SCAP: variants seen among roughly 807,000 people sequenced by gnomAD.
The protein encoded by SCAP is SREBF chaperone.
In SCAP, 65 loss-of-function variants were observed where a neutral mutation model predicts 123.6. The ratio of observed to expected loss-of-function variants is 0.53; its 90% CI spans 0.43 to 0.65. The LOEUF (loss-of-function observed/expected upper bound fraction) is 0.65. Among genes scored for constraint, SCAP ranks in the 30% least tolerant of loss-of-function variants. The probability of loss-of-function intolerance (pLI) is 0.00; values close to 1 mark genes in which losing one functional copy is unlikely to be tolerated. For synonymous variants in SCAP, 740 were observed against 726.3 expected (o/e 1.02, Z -0.30); for missense variants, 1,398 against 1,712.5 (o/e 0.82, Z 3.24).
At chr3:47,431,604 T>C (rs1215414628) in intron 3 of SCAP, among the ~76,000 whole-genome samples, 2 of 152,240 alleles carry the variant, frequency 1.3e-5, no homozygotes, top group East Asian at 3.9e-4. Flanking sequence ...TTGTAGGGTG[T>C]TCCTCAACTA....
Position 47,417,503 on chromosome 3 carries a change from CCCT to C in SCAP, c.2768_2770del (p.Glu923del), listed in dbSNP as rs1559538008. On this transcript the variant is annotated inframe_deletion, in exon 17 of 23. Transcript: ENST00000265565. ...GGCTGGTGTGCAGACGGCCGCCAGC[CCCT>C]CCTCCTGGTACACCCGCTGCACCAG... 2.6e-6 allele frequency: 4 copies of C among 1,554,422 alleles called. No individual in the cohort carries two copies. Among genetic ancestry groups the C allele is most frequent in the Admixed American group, 2.0e-5 (1 of 51,210 alleles).
intron 1 of SCAP, among the ~76,000 whole-genome samples, chr3:47,444,635 T>C (rs564282970): frequency 2.6e-5 from 4 of 151,696 alleles, no homozygotes; most frequent in Admixed American, 2.6e-4. Context: ...CACCATGCCC[T>C]GCTAATTTTT....
At position 47,420,789 on chromosome 3, in the gene SCAP, G is replaced by A. The variant is rs1034840041; in HGVS notation, c.1345-17C>T. On this transcript the variant is annotated splice_polypyrimidine_tract_variant and intron_variant, in intron 11 of 22. Coordinates refer to ENST00000265565, the MANE Select transcript of SCAP (RefSeq NM_012235.4). The surrounding 1 kb of genome is among the most constrained non-coding windows in gnomAD (Gnocchi z 5.0). ...GTCTGCTAGCTGTTGGGGGCACAGT[G>A]GTCAGGGCCTGAGTCCACCATCCAG... The A allele has an allele frequency of 1.2e-6, 2 of 1,608,592 alleles. No homozygotes were observed. Among genetic ancestry groups the A allele is most frequent in the Admixed American group, 3.3e-5 (2 of 59,884 alleles).
In SCAP at chr3:47,467,857, T is replaced by C. The variant is rs1337787591; in HGVS notation, c.-99+7942A>G. Among the ~76,000 whole-genome samples the C allele has an allele frequency of 2.0e-5, 3 of 151,930 alleles. No individual in the cohort carries two copies. In the East Asian group the frequency reaches 5.8e-4, roughly 29 times the overall value. On this transcript the variant is annotated intron_variant, in intron 1 of 22. Transcript: ENST00000265565. The stretch of plus-strand genomic sequence containing the variant: ...CGTCATTTACATTAGGTTTATCTCC[T>C]AATGCTATCCCTCCCCCCTCCCCCC...
intron 10 of SCAP, 122 bp downstream of exon 10, chr3:47,422,320 G>T (rs1705937924): frequency 2.5e-6 from 2 of 806,420 alleles, no homozygotes; most frequent in African/African-American, 3.4e-5. Flanking sequence ...AGGCAAAGAG[G>T]TCCCACCTCA....
At chr3:47,471,806 A>G (rs1288493429) in intron 1 of SCAP, among the ~76,000 whole-genome samples, 1 of 152,176 alleles carries the variant, frequency 6.6e-6, no homozygotes, top group Non-Finnish European at 1.5e-5. Context: ...TTACATATAA[A>G]TTATATATGT....
intron 1 of SCAP, among the ~76,000 whole-genome samples, chr3:47,474,367 AGAAT>A (rs1022395631): frequency 6.6e-6 from 1 of 152,246 alleles, no homozygotes; most frequent in Non-Finnish European, 1.5e-5. Context: ...TATGACCAAA[AGAAT>A]AAATATGGAA....
chr3:47,476,539 A>G (rs1163111079), upstream of SCAP, among the ~76,000 whole-genome samples: 1 of 152,256 alleles, frequency 6.6e-6, no homozygotes, highest in Non-Finnish European at 1.5e-5. Context: ...CCATAAAACT[A>G]GTTTCCCTAT....
At chr3:47,442,489 T>C (rs757975902) in intron 2 of SCAP, among the ~76,000 whole-genome samples, 1 of 152,244 alleles carries the variant, frequency 6.6e-6, no homozygotes, top group Non-Finnish European at 1.5e-5. Flanking sequence ...ACTGTTCTAA[T>C]GGACTTTGCC....
intron 1 of SCAP, among the ~76,000 whole-genome samples, chr3:47,473,050 A>T: frequency 7.8e-6 from 1 of 128,458 alleles, no homozygotes; most frequent in African/African-American, 2.9e-5. Flanking sequence ...ATTGCACTCC[A>T]GCCTGGGCAA....
intron 2 of SCAP, among the ~76,000 whole-genome samples, chr3:47,437,658 G>A (rs1281980356): frequency 1.3e-5 from 2 of 151,812 alleles, no homozygotes; most frequent in Admixed American, 6.6e-5. Context: ...TGGGAGGATC[G>A]CTTGAGCCGG....
intron 10 of SCAP, 85 bp downstream of exon 10, chr3:47,422,357 G>A: frequency 8.2e-7 from 1 of 1,218,534 alleles, no homozygotes; most frequent in Non-Finnish European, 1.2e-6. Context: ...TGCTGAAGAG[G>A]GGAGCACCCT....
upstream of SCAP, among the ~76,000 whole-genome samples, chr3:47,476,333 C>T (rs1708271812): frequency 6.6e-6 from 1 of 152,130 alleles, no homozygotes; most frequent in Non-Finnish European, 1.5e-5. Context: ...TGGTGGCGCG[C>T]ACCTGTGGTC....
At chr3:47,415,444 G>A (rs1705530926) in intron 18 of SCAP, among the ~76,000 whole-genome samples, 2 of 152,146 alleles carry the variant, frequency 1.3e-5, no homozygotes, top group African/African-American at 2.4e-5. Flanking sequence ...GTGAGCTAAC[G>A]TGTAAGGTGG....
chr3:47,420,753 C>T lies in SCAP; in HGVS notation c.1364G>A (p.Arg455Gln), dbSNP rs1231016445. The T allele has an allele frequency of 1.2e-6, 2 of 1,610,670 alleles. No individual in the cohort carries two copies. Among genetic ancestry groups the T allele is most frequent in the East Asian group, 2.2e-5 (1 of 44,872 alleles). ...GGGCAGGCAGGCCTCAGGGGGCAGT[C>T]GCTTGTTCAGGTCTGCTAGCTGTTG... ...RRMELADLNK[R>Q]LPPEACLPSA... is the part of the protein sequence containing the mutation. The change falls in exon 12 of 23, where the codon CGA (arginine) becomes CAA (glutamine). Residue 455 changes from arginine (R) to glutamine (Q), a missense_variant. Physicochemically the swap from Arg to Gln is conservative, Grantham distance 43. This residue lies in a region of SCAP where 66 missense variants were observed against 116.3 expected (regional missense o/e 0.57). Transcript: ENST00000265565. This position sits in a 1 kb window ranked among gnomAD's most constrained non-coding sequence, Gnocchi z 5.0.
intron 1 of SCAP, among the ~76,000 whole-genome samples, chr3:47,468,349 G>T (rs1707910525): frequency 6.6e-6 from 1 of 152,102 alleles, no homozygotes; most frequent in African/African-American, 2.4e-5. Flanking sequence ...GTGTAAAAGG[G>T]TTCCTATTTC....
intron 1 of SCAP, among the ~76,000 whole-genome samples, chr3:47,454,325 G>A (rs953208553): frequency 4.0e-5 from 6 of 151,474 alleles, no homozygotes; most frequent in East Asian, 3.9e-4. Flanking sequence ...CAGAGATCAC[G>A]CCACTGCACT....
chr3:47,421,996 G>A (rs1015490860), intron 10 of SCAP, among the ~76,000 whole-genome samples: 1 of 152,284 alleles, frequency 6.6e-6, no homozygotes, highest in African/African-American at 2.4e-5. Context: ...CCATGCGTCT[G>A]GCGACTGCGG....
rs1161699194 is a variant in SCAP at position 47,413,819 on chromosome 3, C to T, written c.*35G>A. 11 of 1,600,138 alleles carry T rather than the reference C, an allele frequency of 6.9e-6. No individual in the cohort carries two copies. Among genetic ancestry groups the T allele is most frequent in the Non-Finnish European group, 9.4e-6 (11 of 1,172,494 alleles). On this transcript the variant is annotated 3_prime_UTR_variant, in exon 23 of 23. Coordinates refer to ENST00000265565, the MANE Select transcript of SCAP (RefSeq NM_012235.4). ...TCAGTGCATTGGCCCCCACACAGCA[C>T]CCCAGCCTCCTGCCTGGGCAAGGAG...
Sources: allele counts gnomAD v4.1 joint callset (sites outside exome capture counted in the v4.1 genomes callset), GRCh38; gene constraint gnomAD v4.1.1; regional missense constraint gnomAD v4.1.1; non-coding constraint Gnocchi (gnomAD v3.1); transcripts MANE v1.5; gene names NCBI Gene and HGNC (gene_info 2026-07-23, HGNC 2026-07-21).